Variants in SOX5 observed in about 807,000 individuals in gnomAD.
SOX5 encodes the protein SRY-box transcription factor 5, also known as transcription factor SOX-5.
A neutral mutation model predicts 92.0 loss-of-function variants in SOX5; 9 were observed. The observed-to-expected ratio is 0.10, with a 90% CI of 0.06 to 0.17. The LOEUF (loss-of-function observed/expected upper bound fraction) is 0.17, where lower values mean the gene tolerates loss of function less well. SOX5 is among the 10% of genes least tolerant of loss of function. The probability of loss-of-function intolerance (pLI) is 1.00; values close to 1 mark genes in which losing one functional copy is unlikely to be tolerated. For synonymous variants in SOX5, 344 were observed against 336.3 expected (o/e 1.02, Z -0.25); for missense variants, 642 against 944.5 (o/e 0.68, Z 4.20).
upstream of SOX5, chr12:23,950,929 A>T (rs1945521297): frequency 3.3e-6 from 5 of 1,502,038 alleles, no homozygotes; most frequent in Non-Finnish European, 4.5e-6. Context: ...TCAGGGAGTA[A>T]GCACACACTT....
rs1408380219 is a variant in SOX5, at chr12:24,085,793, A to G, written c.-2+127550T>C. On this transcript the variant is annotated intron_variant, in intron 4 of 4. Transcript: ENST00000446891. ...AAAATCTTGTCATTGACAAAGAAGA[A>G]AAACTAATATTAAGTTTGGGTAAAG... 2.6e-5 allele frequency among the ~76,000 whole-genome samples: 4 copies of G among 152,036 alleles called. No individual in the cohort carries two copies. The East Asian group carries it at 7.7e-4, about 29-fold the overall frequency.
At chr12:24,085,695 C>T (rs150901372) in intron 4 of SOX5, among the ~76,000 whole-genome samples, 3 of 151,662 alleles carry the variant, frequency 2.0e-5, no homozygotes, top group African/African-American at 7.3e-5. Context: ...GATGTCTCAC[C>T]AACGTAATTC....
intron 4 of SOX5, among the ~76,000 whole-genome samples, chr12:24,049,254 A>G (rs1057404516): frequency 1.3e-5 from 2 of 152,172 alleles, no homozygotes; most frequent in African/African-American, 4.8e-5. Flanking sequence ...AATAACTGAA[A>G]GGGTTGAAAA....
intron 3 of SOX5, among the ~76,000 whole-genome samples, chr12:23,828,006 ACATAT>A (rs2096259268): frequency 1.3e-5 from 2 of 152,198 alleles, no homozygotes; most frequent in South Asian, 4.1e-4. Context: ...GATTTATTCC[ACATAT>A]AGTTAACTCT....
rs34368159 is a variant in SOX5 at position 23,604,162 on chromosome 12, T to C, written c.1164+225A>G. On this transcript the variant is annotated intron_variant, in intron 9 of 14. Transcript: ENST00000451604. ...CTGATAATCTTTTTTATCTCTCACATTTTCTACTATAGTTATCGATACACG... is the reference window on the plus strand; with the variant it reads ...CTGATAATCTTTTTTATCTCTCACACTTTCTACTATAGTTATCGATACACG... The C allele has an allele frequency of 0.11, 49,873 of 441,530 alleles. 3,709 individuals carry two copies. Among genetic ancestry groups the C allele is most frequent in the Non-Finnish European group, 0.15 (35,755 of 242,346 alleles). The allele number at this position is 441,530 out of a possible 1,614,324, so 27.4% of individuals were successfully genotyped here. A position where few individuals can be genotyped will look rare whatever the true frequency, so the allele number is the denominator to read the frequency against.
upstream of SOX5, among the ~76,000 whole-genome samples, chr12:23,955,393 C>G (rs1036018826): frequency 4.6e-5 from 7 of 152,090 alleles, no homozygotes; most frequent in Admixed American, 2.6e-4. Flanking sequence ...CTACTCTTCA[C>G]GTAATTTGGC....
At chr12:24,074,651 A>AG (rs1942284689) in intron 4 of SOX5, among the ~76,000 whole-genome samples, 1 of 150,974 alleles carries the variant, frequency 6.6e-6, no homozygotes, top group South Asian at 2.1e-4. Flanking sequence ...AAAAAAAAAA[A>AG]AAGCTCAATA....
At chr12:23,835,756 T>A (rs536492666) in intron 3 of SOX5, among the ~76,000 whole-genome samples, 5 of 151,904 alleles carry the variant, frequency 3.3e-5, no homozygotes, top group African/African-American at 1.2e-4. Context: ...TTTGGCAAAA[T>A]CTCTCATTGG....
intron 4 of SOX5, among the ~76,000 whole-genome samples, chr12:24,201,322 T>C (rs1033565454): frequency 2.0e-5 from 3 of 151,126 alleles, no homozygotes; most frequent in Non-Finnish European, 4.4e-5. Context: ...TCTGATAAAA[T>C]CACATGATTT....
intron 9 of SOX5, among the ~76,000 whole-genome samples, chr12:23,591,361 C>T (rs760327417): frequency 4.6e-5 from 7 of 152,020 alleles, no homozygotes; most frequent in Non-Finnish European, 8.8e-5. Context: ...CTATTAGGGG[C>T]CAGCTACTTA....
At chr12:23,586,473 T>C (rs1302424568) in intron 9 of SOX5, among the ~76,000 whole-genome samples, 1 of 151,710 alleles carries the variant, frequency 6.6e-6, no homozygotes, top group Non-Finnish European at 1.5e-5. Context: ...GAAGGAAGAG[T>C]TTTACGGGGA....
intron 6 of SOX5, among the ~76,000 whole-genome samples, chr12:23,685,105 G>C (rs564939395): frequency 9.2e-5 from 14 of 152,104 alleles, no homozygotes; most frequent in African/African-American, 2.9e-4. Flanking sequence ...GCTACTCAAA[G>C]TTGTCTATAG....
At chr12:23,793,295 T>C (rs565307631) in intron 3 of SOX5, among the ~76,000 whole-genome samples, 1 of 152,194 alleles carries the variant, frequency 6.6e-6, no homozygotes, top group Non-Finnish European at 1.5e-5. Flanking sequence ...ATTTATTAAG[T>C]GCCTACTCGG....
intron 2 of SOX5, among the ~76,000 whole-genome samples, chr12:23,887,090 G>C (rs1480095524): frequency 6.6e-6 from 1 of 152,126 alleles, no homozygotes; most frequent in East Asian, 1.9e-4. Flanking sequence ...CATTGTTTCT[G>C]TTACTAAAAA....
chr12:23,835,540 C>T (rs1020180471), intron 3 of SOX5, among the ~76,000 whole-genome samples: 1 of 151,886 alleles, frequency 6.6e-6, no homozygotes, highest in Admixed American at 6.6e-5. Flanking sequence ...CCCTCCAAGG[C>T]ATTATTTTTG....
chr12:24,249,680 A>C (rs1391726370), intron 3 of SOX5, among the ~76,000 whole-genome samples: 2 of 152,244 alleles, frequency 1.3e-5, no homozygotes, highest in African/African-American at 4.8e-5. Flanking sequence ...ATCCCAGGCC[A>C]ACATGCCATT....
intron 1 of SOX5, among the ~76,000 whole-genome samples, chr12:24,446,943 T>G (rs1941568010): frequency 6.6e-6 from 1 of 151,964 alleles, no homozygotes; most frequent in South Asian, 2.1e-4. Flanking sequence ...CTGAAACAAT[T>G]TGGGCAACAA....
At chr12:24,265,531 G>C (rs1222932877) in intron 3 of SOX5, among the ~76,000 whole-genome samples, 3 of 152,076 alleles carry the variant, frequency 2.0e-5, no homozygotes, top group Non-Finnish European at 4.4e-5. Context: ...GCAACAGAGT[G>C]AGAGTCCATC....
chr12:24,419,240 C>T (rs560619682), intron 1 of SOX5, among the ~76,000 whole-genome samples: 2 of 152,186 alleles, frequency 1.3e-5, no homozygotes, highest in South Asian at 4.2e-4. Flanking sequence ...CAACTCTCCT[C>T]CCTCAGTTAA....
Sources: allele counts gnomAD v4.1 joint callset (sites outside exome capture counted in the v4.1 genomes callset), GRCh38; gene constraint gnomAD v4.1.1; transcripts MANE v1.5; gene names NCBI Gene and HGNC (gene_info 2026-07-23, HGNC 2026-07-21).